ADK: variants seen among roughly 807,000 people sequenced by gnomAD.
ADK encodes the protein N6,N6-dimethyladenosine kinase.
A neutral mutation model predicts 44.7 loss-of-function variants in ADK; 24 were observed. That is an observed-to-expected ratio of 0.54 (90% CI 0.39 to 0.76). The LOEUF (loss-of-function observed/expected upper bound fraction) is 0.76. Ranked by LOEUF, ADK falls within the 30% of genes least tolerant of loss-of-function variation. The probability of loss-of-function intolerance (pLI) is 0.00; values close to 1 mark genes in which losing one functional copy is unlikely to be tolerated. For missense variants in ADK, 321 were observed against 425.1 expected (o/e 0.76, Z 2.15); for synonymous variants, 128 against 142.6 (o/e 0.90, Z 0.73).
intron 7 of ADK, among the ~76,000 whole-genome samples, chr10:74,565,784 G>A (rs1276630815): frequency 1.3e-5 from 2 of 149,162 alleles, no homozygotes; most frequent in African/African-American, 4.9e-5. Context: ...GAGCAATGTA[G>A]TATAACCCCA....
chr10:74,620,329 A>G (rs1355656708), intron 9 of ADK, among the ~76,000 whole-genome samples: 1 of 152,076 alleles, frequency 6.6e-6, no homozygotes, highest in Non-Finnish European at 1.5e-5. Flanking sequence ...TGTGAGATCA[A>G]CTTTTTTTAG....
intron 10 of ADK, among the ~76,000 whole-genome samples, chr10:74,678,700 T>C (rs928566686): frequency 6.6e-6 from 1 of 152,242 alleles, no homozygotes; most frequent in African/African-American, 2.4e-5. Context: ...GATGTTGATA[T>C]GGAAATTTTT....
At chr10:74,237,231 G>A (rs1228982580) in intron 3 of ADK, among the ~76,000 whole-genome samples, 5 of 152,132 alleles carry the variant, frequency 3.3e-5, no homozygotes, top group African/African-American at 1.2e-4. Flanking sequence ...AAAATTCTTT[G>A]TTGTCATTTC....
intron 6 of ADK, among the ~76,000 whole-genome samples, chr10:74,514,417 T>G (rs531638746): frequency 3.3e-5 from 5 of 152,154 alleles, no homozygotes; most frequent in African/African-American, 4.8e-5. Context: ...TGCTTAATGG[T>G]ATCCCATAAA....
chr10:74,190,306 C>T (rs1233720422), intron 1 of ADK, among the ~76,000 whole-genome samples: 2 of 152,192 alleles, frequency 1.3e-5, no homozygotes, highest in Non-Finnish European at 2.9e-5. Flanking sequence ...TTTCAGCACT[C>T]AACCAGGCTT....
chr10:74,266,418 G>A (rs578173020), intron 3 of ADK, among the ~76,000 whole-genome samples: 45 of 152,168 alleles, frequency 3.0e-4, no homozygotes, highest in Non-Finnish European at 5.1e-4. Flanking sequence ...TTAGCCTGGC[G>A]TGGTGGCGGG....
At chr10:74,224,647 T>C in intron 3 of ADK, 56 bp downstream of exon 3, 1 of 1,354,456 alleles carries the variant, frequency 7.4e-7, no homozygotes, top group East Asian at 2.3e-5. Flanking sequence ...GAACTTGATA[T>C]ATGTATATGT....
intron 3 of ADK, among the ~76,000 whole-genome samples, chr10:74,297,225 T>C (rs781058019): frequency 3.3e-5 from 5 of 152,200 alleles, no homozygotes; most frequent in Admixed American, 1.3e-4. Context: ...CTAGGTAAAT[T>C]TGAGTGTTGT....
chr10:74,376,572 C>T (rs1189095478), intron 4 of ADK, among the ~76,000 whole-genome samples: 3 of 152,070 alleles, frequency 2.0e-5, no homozygotes, highest in South Asian at 4.1e-4. Flanking sequence ...TCTAGATTGC[C>T]TGAGAATGGT....
At chr10:74,708,067 C>G (rs1159060074) in intron 10 of ADK, among the ~76,000 whole-genome samples, 1 of 149,152 alleles carries the variant, frequency 6.7e-6, no homozygotes, top group Non-Finnish European at 1.5e-5. Context: ...AGGAGAATTG[C>G]TTGAACCTGG....
At chr10:74,425,276 T>G (rs954320189) in intron 6 of ADK, among the ~76,000 whole-genome samples, 1 of 152,160 alleles carries the variant, frequency 6.6e-6, no homozygotes, top group African/African-American at 2.4e-5. Flanking sequence ...TCAGGGAAGA[T>G]GTATTTACCT....
chr10:74,668,949 G>A (rs895583167), intron 9 of ADK, among the ~76,000 whole-genome samples: 3 of 149,928 alleles, frequency 2.0e-5, no homozygotes, highest in African/African-American at 4.9e-5. Context: ...ACAGGAGGCA[G>A]AGAGAATCCC....
intron 6 of ADK, among the ~76,000 whole-genome samples, chr10:74,432,475 C>G (rs1160552545): frequency 6.6e-6 from 1 of 152,082 alleles, no homozygotes; most frequent in African/African-American, 2.4e-5. Context: ...TAGCACTGCT[C>G]TTAGTATTAT....
At chr10:74,618,284 AT>A in intron 9 of ADK, among the ~76,000 whole-genome samples, 1 of 149,554 alleles carries the variant, frequency 6.7e-6, no homozygotes, top group Non-Finnish European at 1.5e-5. Flanking sequence ...TTGATCAAGT[AT>A]TTTTTTCTTT....
At chr10:74,523,335 G>T (rs747266370) in intron 6 of ADK, among the ~76,000 whole-genome samples, 1 of 152,080 alleles carries the variant, frequency 6.6e-6, no homozygotes, top group Admixed American at 6.6e-5. Flanking sequence ...CATACTAAGT[G>T]CTTTCTGTTA....
chr10:74,404,986 A>G (rs776972904), intron 6 of ADK, among the ~76,000 whole-genome samples: 5 of 151,400 alleles, frequency 3.3e-5, no homozygotes, highest in Non-Finnish European at 4.4e-5. Context: ...GCCATTATAC[A>G]TCTTCAAATT....
At chr10:74,235,128 CTTT>C (rs35193175) in intron 3 of ADK, among the ~76,000 whole-genome samples, 6 of 130,120 alleles carry the variant, frequency 4.6e-5, no homozygotes, top group African/African-American at 1.8e-4. Flanking sequence ...GAAATTATCC[CTTT>C]TTTTTTTTTT....
intron 6 of ADK, chr10:74,423,475 G>C: frequency 5.3e-6 from 1 of 188,020 alleles, no homozygotes; most frequent in Non-Finnish European, 1.1e-5. Flanking sequence ...GGTTCTTCTG[G>C]AGGTCCGTAC....
intron 1 of ADK, among the ~76,000 whole-genome samples, chr10:74,173,863 G>C (rs909044089): frequency 6.6e-6 from 1 of 152,188 alleles, no homozygotes; most frequent in African/African-American, 2.4e-5. Context: ...AGAGATGTAA[G>C]TTTAACTATT....
Sources: allele counts gnomAD v4.1 joint callset (sites outside exome capture counted in the v4.1 genomes callset), GRCh38; gene constraint gnomAD v4.1.1; transcripts MANE v1.5; gene names NCBI Gene and HGNC (gene_info 2026-07-23, HGNC 2026-07-21).